The following JAKMIP1 variants were observed in gnomAD, a reference collection of about 807,000 sequenced individuals.
JAKMIP1 encodes janus kinase and microtubule-interacting protein 1.
In JAKMIP1, 33 loss-of-function variants were observed where a neutral mutation model predicts 113.0. The ratio of observed to expected loss-of-function variants is 0.29; its 90% CI spans 0.22 to 0.39. The LOEUF is 0.39. JAKMIP1 is among the 10% of genes least tolerant of loss of function. The pLI, the probability that JAKMIP1 is intolerant of heterozygous loss-of-function variation, is 1.00. For missense variants in JAKMIP1, 813 were observed against 1,080.5 expected (o/e 0.75, Z 3.47); for synonymous variants, 480 against 459.9 (o/e 1.04, Z -0.56).
chr4:6,054,920 A>T lies in JAKMIP1; in HGVS notation c.1708-772T>A. ...CCCCCGGGAGACCTTTAGAAATGGG[A>T]TGAGGGGGTGAGGGTTTTCTGCGGC... is the stretch of plus-strand genomic sequence containing the variant. On this transcript the variant is annotated intron_variant, in intron 12 of 20. Transcript: ENST00000409021. 1.6e-5 allele frequency: 7 copies of T among 451,230 alleles called. 2 individuals are homozygous for T. Among genetic ancestry groups the T allele is most frequent in the South Asian group, 1.1e-4 (7 of 64,228 alleles). The allele number at this position is 451,230 out of a possible 1,614,324, so 28.0% of individuals were successfully genotyped here.
chr4:6,194,995 G>T lies in JAKMIP1; in HGVS notation c.-148+5258C>A, dbSNP rs1727697241. ...CCCGCCACTGCAGCTGCTGTCCACG[G>T]CGTGATCCTAGACTAGGCCTTTCAC... On this transcript the variant is annotated intron_variant, in intron 1 of 20. Coordinates refer to ENST00000409021, the MANE Select transcript of JAKMIP1 (RefSeq NM_001099433.2). The surrounding 1 kb of genome is among the most constrained non-coding windows in gnomAD (Gnocchi z 7.4). Among the ~76,000 whole-genome samples, 1 of 152,216 alleles carries T rather than the reference G, an allele frequency of 6.6e-6. No homozygotes were observed. Among genetic ancestry groups the T allele is most frequent in the Non-Finnish European group, 1.5e-5 (1 of 68,038 alleles).
rs1722551413 is a variant in JAKMIP1, at chr4:6,158,681, T to C, written c.-148+41572A>G. On this transcript the variant is annotated intron_variant, in intron 1 of 20. Transcript: ENST00000409021. This position sits in a 1 kb window ranked among gnomAD's most constrained non-coding sequence, Gnocchi z 5.3. The stretch of plus-strand genomic sequence containing the variant: ...ACAAAGGAAGTCCATCTTTTTAGGT[T>C]AGGAAAGAAAATTTGGTTTGAAAAT... Among the ~76,000 whole-genome samples, 1 of 151,786 alleles carries C rather than the reference T, an allele frequency of 6.6e-6. No individual in the cohort carries two copies. The highest frequency in any genetic ancestry group is 1.5e-5 in the Non-Finnish European group (1 of 68,008).
rs79946345 is a variant in JAKMIP1 at position 6,128,976 on chromosome 4, G to A, written c.-147-15979C>T. Among the ~76,000 whole-genome samples the A allele has an allele frequency of 9.1e-3, 1,386 of 152,296 alleles. 17 individuals are homozygous for A. Among genetic ancestry groups the A allele is most frequent in the African/African-American group, 0.032 (1,314 of 41,558 alleles). On this transcript the variant is annotated intron_variant, in intron 1 of 20. Coordinates refer to ENST00000409021, the MANE Select transcript of JAKMIP1 (RefSeq NM_001099433.2). Reference sequence around the variant, plus strand: ...CCCCTGGCCGTCTCACCCGGGCGTCGGGTCCACTTGCAACCTTCAGAGCTC... The same window carrying A: ...CCCCTGGCCGTCTCACCCGGGCGTCAGGTCCACTTGCAACCTTCAGAGCTC...
At chr4:6,107,425 G>A (rs1196602864) in intron 2 of JAKMIP1, among the ~76,000 whole-genome samples, 1 of 152,194 alleles carries the variant, frequency 6.6e-6, no homozygotes, top group African/African-American at 2.4e-5. Context: ...ACAATGCCCA[G>A]TCGTTTGGTC....
Position 6,194,577 on chromosome 4 carries a change from T to A in JAKMIP1, c.-148+5676A>T, listed in dbSNP as rs1203380462. On this transcript the variant is annotated intron_variant, in intron 1 of 20. Coordinates refer to ENST00000409021, the MANE Select transcript of JAKMIP1 (RefSeq NM_001099433.2). The surrounding 1 kb of genome is among the most constrained non-coding windows in gnomAD (Gnocchi z 7.4). ...TGATGTGTCCCACCCCCTCCAGTGC[T>A]GTGGAGGGACCCGGGTCAGTCCAGG... The A allele has an allele frequency of 6.6e-6, 1 of 152,206 alleles. No homozygotes were observed. The highest frequency in any genetic ancestry group is 1.5e-5 in the Non-Finnish European group (1 of 68,110). 9.4% of individuals were successfully genotyped at this position (152,206 alleles called of 1,614,324 possible). A position where few individuals can be genotyped will look rare whatever the true frequency, so the allele number is the denominator to read the frequency against.
intron 3 of JAKMIP1, among the ~76,000 whole-genome samples, chr4:6,090,866 A>G (rs1721971050): frequency 6.6e-6 from 1 of 151,916 alleles, no homozygotes; most frequent in Admixed American, 6.6e-5. Flanking sequence ...TGATGCCCTT[A>G]GAGTGTCAAA....
rs1304795785 is a variant in JAKMIP1 at position 6,194,528 on chromosome 4, T to C, written c.-148+5725A>G. 1 of 151,744 alleles carries C rather than the reference T, an allele frequency of 6.6e-6. No homozygotes were observed. Among genetic ancestry groups the C allele is most frequent in the Non-Finnish European group, 1.5e-5 (1 of 68,010 alleles). The allele number at this position is 151,744 out of a possible 1,614,324, so 9.4% of individuals were successfully genotyped here. A position where few individuals can be genotyped will look rare whatever the true frequency, so the allele number is the denominator to read the frequency against. ...TGCCTCCACTGTCAACTCCTCAGAG[T>C]CCTCATGGAAGGAAACCCTGTAGTG... On this transcript the variant is annotated intron_variant, in intron 1 of 20. Coordinates refer to ENST00000409021, the MANE Select transcript of JAKMIP1 (RefSeq NM_001099433.2). The surrounding 1 kb of genome is among the most constrained non-coding windows in gnomAD (Gnocchi z 7.4).
In JAKMIP1 at chr4:6,141,436, A is replaced by AAAAT. The variant is rs567639179; in HGVS notation, c.-147-28443_-147-28440dup. Among the ~76,000 whole-genome samples, 638 of 152,274 alleles carry AAAAT rather than the reference A, an allele frequency of 4.2e-3. 4 individuals are homozygous for AAAAT. Among genetic ancestry groups the AAAAT allele is most frequent in the Non-Finnish European group, 7.2e-3 (487 of 68,008 alleles). Reference sequence around the variant, plus strand: ...GGGCGACAGAGTGAAACCCTGTCTCAAAATAAATAAATAAATAAATACCAA... The same window carrying AAAAT: ...GGGCGACAGAGTGAAACCCTGTCTCAAAATAAATAAATAAATAAATAAATACCAA... On this transcript the variant is annotated intron_variant, in intron 1 of 20. Transcript: ENST00000409021. This position sits in a 1 kb window ranked among gnomAD's most constrained non-coding sequence, Gnocchi z 9.4.
At chr4:6,189,633 C>G (rs1877760) in intron 1 of JAKMIP1, among the ~76,000 whole-genome samples, 1 of 151,990 alleles carries the variant, frequency 6.6e-6, no homozygotes, top group African/African-American at 2.4e-5. Context: ...CCTACCCTCA[C>G]AGAGCCCTCT....
At chr4:6,072,168 C>T (rs533597200) in intron 8 of JAKMIP1, among the ~76,000 whole-genome samples, 279 of 152,298 alleles carry the variant, frequency 1.8e-3, no homozygotes, top group Non-Finnish European at 2.9e-3. Context: ...CTACCTGCTC[C>T]GTTTCTCTCA....
chr4:6,173,809 C>T (rs1375200848), intron 1 of JAKMIP1, among the ~76,000 whole-genome samples: 1 of 152,218 alleles, frequency 6.6e-6, no homozygotes, highest in Non-Finnish European at 1.5e-5. Flanking sequence ...GGCATGGTGG[C>T]TCACGCCTGT....
At chr4:6,133,963 G>T (rs1366975901) in intron 1 of JAKMIP1, among the ~76,000 whole-genome samples, 2 of 152,196 alleles carry the variant, frequency 1.3e-5, no homozygotes, top group East Asian at 3.9e-4. Flanking sequence ...GAGTGGGCCT[G>T]CACTAGAGCA....
chr4:6,079,237 G>A (rs971223672), intron 7 of JAKMIP1, among the ~76,000 whole-genome samples: 1 of 152,188 alleles, frequency 6.6e-6, no homozygotes, highest in Non-Finnish European at 1.5e-5. Context: ...GCTGCATTGA[G>A]TCTTTTGTGT....
In JAKMIP1 at chr4:6,113,862, G is replaced by A. The variant is rs534511093; in HGVS notation, c.-147-865C>T. 4.6e-5 allele frequency among the ~76,000 whole-genome samples: 7 copies of A among 152,340 alleles called. No individual in the cohort carries two copies. In the East Asian group the frequency reaches 1.4e-3, roughly 29 times the overall value. ...CCTGGGCCTGCTCTGCGCCTGCTGT[G>A]TCCTCCATGCCTAGAACAGAGGGCA... On this transcript the variant is annotated intron_variant, in intron 1 of 20. Transcript: ENST00000409021.
intron 1 of JAKMIP1, among the ~76,000 whole-genome samples, chr4:6,130,968 G>A (rs1345975652): frequency 3.3e-5 from 5 of 151,952 alleles, no homozygotes; most frequent in African/African-American, 1.2e-4. Flanking sequence ...GACCCCAGGA[G>A]TTCAAGACCA....
At chr4:6,041,793 T>A (rs953407062) in intron 17 of JAKMIP1, among the ~76,000 whole-genome samples, 3 of 152,168 alleles carry the variant, frequency 2.0e-5, no homozygotes, top group African/African-American at 7.2e-5. Context: ...AGCATTTCCA[T>A]ATCTGGGCTG....
At chr4:6,117,758 G>A (rs1419328446) in intron 1 of JAKMIP1, among the ~76,000 whole-genome samples, 1 of 152,080 alleles carries the variant, frequency 6.6e-6, no homozygotes, top group African/African-American at 2.4e-5. Context: ...ACCCCTAGGT[G>A]CGCATTCTCT....
chr4:6,080,442 G>C lies in JAKMIP1; in HGVS notation c.1102-130C>G, dbSNP rs568172049. The C allele has an allele frequency of 2.6e-6, 3 of 1,142,774 alleles. No individual in the cohort carries two copies. The allele number at this position is 1,142,774 out of a possible 1,614,324, so 70.8% of individuals were successfully genotyped here. ...GGGAGGATGAAAGAGATGATGGCCT[G>C]ATATGGTTTGGCTGTGTCCCCACCC... is the stretch of plus-strand genomic sequence containing the variant. On this transcript the variant is annotated intron_variant, in intron 6 of 20. Transcript: ENST00000409021. The surrounding 1 kb of genome is among the most constrained non-coding windows in gnomAD (Gnocchi z 6.0).
rs1560249273 is a variant in JAKMIP1, at chr4:6,135,005, C to T, written c.-147-22008G>A. Among the ~76,000 whole-genome samples the T allele has an allele frequency of 6.6e-6, 1 of 152,208 alleles. No individual in the cohort carries two copies. The highest frequency in any genetic ancestry group is 1.5e-5 in the Non-Finnish European group (1 of 68,040). ...GACAGCGTCTGGGCTCCCTGGCAGG[C>T]CCTGGACATGTAGAGATGGCAGGTG... On this transcript the variant is annotated intron_variant, in intron 1 of 20. Transcript: ENST00000409021. The surrounding 1 kb of genome is among the most constrained non-coding windows in gnomAD (Gnocchi z 4.9).
Sources: gnomAD v4.1 joint callset for allele counts (sites outside exome capture counted in the v4.1 genomes callset) on GRCh38, gnomAD v4.1.1 for gene constraint, Gnocchi (gnomAD v3.1) non-coding constraint, MANE v1.5 for transcripts, NCBI Gene and HGNC (gene_info 2026-07-23, HGNC 2026-07-21) for gene names.